Variants in CSMD2 observed in about 807,000 individuals in gnomAD.
The protein encoded by CSMD2 is CUB and Sushi multiple domains 2.
In CSMD2, 130 loss-of-function variants were observed where a neutral mutation model predicts 398.5. The ratio of observed to expected loss-of-function variants is 0.33; its 90% CI spans 0.28 to 0.38. The LOEUF (loss-of-function observed/expected upper bound fraction) is 0.38, where lower values mean the gene tolerates loss of function less well. CSMD2 is among the 10% of genes least tolerant of loss of function. CSMD2 has a pLI of 1.00. For missense variants in CSMD2, 3,829 were observed against 4,764.9 expected (o/e 0.80, Z 5.78); for synonymous variants, 1,828 against 1,908.5 (o/e 0.96, Z 1.10).
intron 3 of CSMD2, among the ~76,000 whole-genome samples, chr1:33,956,735 C>T (rs1428726384): frequency 6.6e-6 from 1 of 152,156 alleles, no homozygotes; most frequent in Non-Finnish European, 1.5e-5. Flanking sequence ...CAGTCTCCTT[C>T]ACCCGGTGTC....
rs937794975 is a variant in CSMD2 at position 33,635,778 on chromosome 1, C to A, written c.4970-448G>T. ...CATGGGGAGTGGCCAGCCCATGTGACCCAGCCACCTTCTGTTCCTCTCCAA... is the reference window on the plus strand; with the variant it reads ...CATGGGGAGTGGCCAGCCCATGTGAACCAGCCACCTTCTGTTCCTCTCCAA... On this transcript the variant is annotated intron_variant, in intron 30 of 70. Transcript: ENST00000373381. This position sits in a 1 kb window ranked among gnomAD's most constrained non-coding sequence, Gnocchi z 5.0. Among the ~76,000 whole-genome samples the A allele has an allele frequency of 3.9e-5, 6 of 152,150 alleles. No individual in the cohort carries two copies. Among genetic ancestry groups the A allele is most frequent in the African/African-American group, 1.4e-4 (6 of 41,438 alleles).
intron 1 of CSMD2, among the ~76,000 whole-genome samples, chr1:34,140,092 A>G (rs758520168): frequency 4.6e-5 from 7 of 152,182 alleles, no homozygotes; most frequent in African/African-American, 9.7e-5. Flanking sequence ...CTAGACAGCA[A>G]GCTTGATAAT....
chr1:33,941,615 C>T (rs1214412737), intron 3 of CSMD2, among the ~76,000 whole-genome samples: 1 of 152,116 alleles, frequency 6.6e-6, no homozygotes, highest in Non-Finnish European at 1.5e-5. Context: ...TTTTGAGTCC[C>T]AGATCTGTGC....
intron 64 of CSMD2, among the ~76,000 whole-genome samples, chr1:33,528,193 C>T (rs556956612): frequency 1.3e-5 from 2 of 152,352 alleles, no homozygotes; most frequent in South Asian, 2.1e-4. Context: ...TTAATGACTG[C>T]GTGACCTTGA....
intron 3 of CSMD2, among the ~76,000 whole-genome samples, chr1:33,965,997 A>G (rs1206606028): frequency 6.6e-6 from 1 of 152,258 alleles, no homozygotes; most frequent in African/African-American, 2.4e-5. Flanking sequence ...GAATAAGTCC[A>G]GTGGCCAAGG....
chr1:33,937,126 A>G (rs898447616), intron 3 of CSMD2, among the ~76,000 whole-genome samples: 1 of 152,214 alleles, frequency 6.6e-6, no homozygotes, highest in Non-Finnish European at 1.5e-5. Context: ...GCAAGAATTA[A>G]GCCAGTTCAG....
chr1:34,137,234 A>T (rs1010718791), intron 1 of CSMD2, among the ~76,000 whole-genome samples: 5 of 151,994 alleles, frequency 3.3e-5, no homozygotes, highest in African/African-American at 1.2e-4. Flanking sequence ...CCCATAGCCT[A>T]GACTTACTTA....
At chr1:33,834,387 A>G (rs1659989548) in intron 6 of CSMD2, among the ~76,000 whole-genome samples, 1 of 89,044 alleles carries the variant, frequency 1.1e-5, no homozygotes, top group African/African-American at 5.9e-5. Context: ...CCTGAGAAAA[A>G]CAAGCAATGG....
intron 48 of CSMD2, 21 bp from the exon 49 acceptor site, chr1:33,577,505 C>A (rs556098557): frequency 6.3e-7 from 1 of 1,588,126 alleles, no homozygotes; most frequent in South Asian, 1.1e-5. Context: ...AGATGAGGTT[C>A]AGGGAACTGG....
chr1:34,077,013 A>G (rs1656458958), intron 2 of CSMD2, among the ~76,000 whole-genome samples: 3 of 146,326 alleles, frequency 2.1e-5, no homozygotes, highest in Admixed American at 1.4e-4. Context: ...TAATAGGAGG[A>G]AAGTTCATTT....
chr1:34,090,759 A>G (rs1658471035), intron 1 of CSMD2, among the ~76,000 whole-genome samples: 1 of 152,168 alleles, frequency 6.6e-6, no homozygotes, highest in Non-Finnish European at 1.5e-5. Context: ...TCTGTTCTTC[A>G]CACTGCACGC....
At position 34,045,227 on chromosome 1, in the gene CSMD2, G is replaced by T. The variant is rs76607024; in HGVS notation, c.405-12521C>A. Among the ~76,000 whole-genome samples the T allele has an allele frequency of 6.8e-3, 1,028 of 152,218 alleles. 14 individuals are homozygous for T. The highest frequency in any genetic ancestry group is 0.05 in the East Asian group (258 of 5,174). On this transcript the variant is annotated intron_variant, in intron 2 of 70. Transcript: ENST00000373381. Reference sequence around the variant, plus strand: ...ATTCTTAAAGCATCTTGTGGGCTGGGGTTCTGTGGAAATCTCTCTGGGAAA... The same window carrying T: ...ATTCTTAAAGCATCTTGTGGGCTGGTGTTCTGTGGAAATCTCTCTGGGAAA...
intron 32 of CSMD2, among the ~76,000 whole-genome samples, chr1:33,630,292 A>G (rs1394075870): frequency 6.6e-6 from 1 of 152,176 alleles, no homozygotes; most frequent in African/African-American, 2.4e-5. Flanking sequence ...TTCCTGATTT[A>G]CACTCTTGGT....
At chr1:33,848,182 C>A (rs1638420734) in intron 5 of CSMD2, among the ~76,000 whole-genome samples, 1 of 152,192 alleles carries the variant, frequency 6.6e-6, no homozygotes, top group Non-Finnish European at 1.5e-5. Context: ...ATGGGGGAAC[C>A]ACCCGGGAGG....
At chr1:34,012,242 G>A (rs979539542) in intron 3 of CSMD2, among the ~76,000 whole-genome samples, 1 of 151,854 alleles carries the variant, frequency 6.6e-6, no homozygotes, top group African/African-American at 2.4e-5. Context: ...TGCTCTTCCC[G>A]CTGCCGGGAC....
chr1:34,136,633 AT>A (rs1362353259), intron 1 of CSMD2, among the ~76,000 whole-genome samples: 11 of 152,156 alleles, frequency 7.2e-5, no homozygotes, highest in Non-Finnish European at 1.5e-5. Flanking sequence ...TCGCTTGTCA[AT>A]TCCCATGATG....
chr1:33,710,690 A>G (rs1645955123), intron 21 of CSMD2, among the ~76,000 whole-genome samples: 1 of 152,194 alleles, frequency 6.6e-6, no homozygotes, highest in Non-Finnish European at 1.5e-5. Flanking sequence ...TGGGCCTTAT[A>G]GTTAACCCTA....
At chr1:33,689,101 A>G in intron 25 of CSMD2, among the ~76,000 whole-genome samples, 1 of 145,520 alleles carries the variant, frequency 6.9e-6, no homozygotes, top group Admixed American at 7.0e-5. Flanking sequence ...GGAGAGGGAG[A>G]GAGGGAGTGG....
At chr1:34,075,322 G>C (rs1656206741) in intron 2 of CSMD2, among the ~76,000 whole-genome samples, 1 of 152,212 alleles carries the variant, frequency 6.6e-6, no homozygotes, top group African/African-American at 2.4e-5. Context: ...GACCCTTCAA[G>C]GACGTCCCTA....
Sources: gnomAD v4.1 joint callset for allele counts (sites outside exome capture counted in the v4.1 genomes callset) on GRCh38, gnomAD v4.1.1 for gene constraint, Gnocchi (gnomAD v3.1) non-coding constraint, MANE v1.5 for transcripts, NCBI Gene and HGNC (gene_info 2026-07-23, HGNC 2026-07-21) for gene names.